Variants in PANK4 observed in about 807,000 individuals in gnomAD.
PANK4 encodes the protein pantothenate kinase 4 (inactive), also known as 4'-phosphopantetheine phosphatase.
PANK4 carries 40 observed loss-of-function variants against 87.9 expected under a neutral mutation model. The observed-to-expected ratio is 0.46, with a 90% confidence interval of 0.35 to 0.59. The LOEUF (loss-of-function observed/expected upper bound fraction) is 0.59, where lower values mean the gene tolerates loss of function less well. Ranked by LOEUF, PANK4 falls within the 20% of genes least tolerant of loss-of-function variation. PANK4 has a pLI of 0.00. For missense variants in PANK4, 926 were observed against 1,072.3 expected (o/e 0.86, Z 1.90); for synonymous variants, 524 against 467.4 (o/e 1.12, Z -1.56).
intron 13 of PANK4, chr1:2,512,529 C>T: frequency 4.0e-6 from 1 of 251,308 alleles, no homozygotes; most frequent in Non-Finnish European, 7.7e-6. Context: ...TGCAAAGCAC[C>T]CTTTGATCAT....
intron 1 of PANK4, among the ~76,000 whole-genome samples, chr1:2,522,414 G>T (rs1485030159): frequency 6.6e-6 from 1 of 152,186 alleles, no homozygotes; most frequent in Non-Finnish European, 1.5e-5. Context: ...ACAGGCCAAA[G>T]TCTCTCTGAT....
At chr1:2,521,564 C>A in intron 2 of PANK4, 154 bp downstream of exon 2, 1 of 763,446 alleles carries the variant, frequency 1.3e-6, no homozygotes, top group Non-Finnish European at 2.3e-6. Flanking sequence ...TGAAGGGACA[C>A]GGCGGAAGGC....
chr1:2,515,839 C>G lies in PANK4; in HGVS notation c.1219-122G>C, dbSNP rs1217767330. 2.9e-6 allele frequency: 3 copies of G among 1,020,756 alleles called. No homozygotes were observed. The highest frequency in any genetic ancestry group is 1.6e-5 in the African/African-American group (1 of 62,518). 63.2% of individuals were successfully genotyped at this position (1,020,756 alleles called of 1,614,324 possible). Reference sequence around the variant, plus strand: ...TGTACTGCCTTCTTCCGCCACGTCTCTGGGCCACAGACGAGACCCCCACTG... The same window carrying G: ...TGTACTGCCTTCTTCCGCCACGTCTGTGGGCCACAGACGAGACCCCCACTG... On this transcript the variant is annotated intron_variant, in intron 9 of 18. Transcript: ENST00000378466. The surrounding 1 kb of genome is among the most constrained non-coding windows in gnomAD (Gnocchi z 5.0).
In PANK4 at chr1:2,523,369, G is replaced by A. The variant is rs377185172; in HGVS notation, c.125-1569C>T. 7.9e-5 allele frequency among the ~76,000 whole-genome samples: 12 copies of A among 152,276 alleles called. 1 individual carries two copies. In the South Asian group the frequency reaches 1.5e-3, roughly 18 times the overall value. The stretch of plus-strand genomic sequence containing the variant: ...CTCCCCTGCCCCCAGTGCTGGCCGG[G>A]CCCGGAGAGTCTCACTAACATGCAC... On this transcript the variant is annotated intron_variant, in intron 1 of 18. Transcript: ENST00000378466.
At chr1:2,521,845 A>C in intron 1 of PANK4, 45 bp from the exon 2 acceptor site, 10 of 1,472,960 alleles carry the variant, frequency 6.8e-6, no homozygotes, top group Non-Finnish European at 9.5e-6. Context: ...ACCAGGACAC[A>C]GCGGGGCCTG....
intron 1 of PANK4, among the ~76,000 whole-genome samples, chr1:2,522,683 A>G (rs887323511): frequency 6.6e-6 from 1 of 152,268 alleles, no homozygotes; most frequent in Non-Finnish European, 1.5e-5. Context: ...CTTTGAGTGC[A>G]TTGCGCGGTG....
At chr1:2,526,183 A>G (rs1312706833) in intron 1 of PANK4, 1 of 152,288 alleles carries the variant, frequency 6.6e-6, no homozygotes, top group African/African-American at 2.4e-5. Context: ...GCCACCCAGG[A>G]CGGCCGCGCG....
At chr1:2,516,460 GCT>G (rs1043687272) in intron 9 of PANK4, among the ~76,000 whole-genome samples, 10 of 152,180 alleles carry the variant, frequency 6.6e-5, no homozygotes, top group Non-Finnish European at 1.5e-4. Context: ...TCAGTACTCG[GCT>G]CTCTGCACGC....
Position 2,509,082 on chromosome 1 carries a change from T to C in PANK4, c.2109-22A>G. ...GCGGCTTTGGGGAGGAAGAGGACGG[T>C]GAGACTGGGCAAGCAGACCCCAGAC... On this transcript the variant is annotated intron_variant, in intron 18 of 18. Transcript: ENST00000378466. This position sits in a 1 kb window ranked among gnomAD's most constrained non-coding sequence, Gnocchi z 4.9. 6.4e-7 allele frequency: 1 copy of C among 1,572,208 alleles called. No homozygotes were observed.
chr1:2,524,566 C>T (rs890410135), intron 1 of PANK4, among the ~76,000 whole-genome samples: 1 of 152,088 alleles, frequency 6.6e-6, no homozygotes, highest in African/African-American at 2.4e-5. Context: ...ACCAAGAAAC[C>T]CCCTGGGCTC....
rs984697057 is a variant in PANK4, at chr1:2,510,028, C to A, written c.2039+29G>T. 1 of 1,556,664 alleles carries A rather than the reference C, an allele frequency of 6.4e-7. No individual in the cohort carries two copies. Among genetic ancestry groups the A allele is most frequent in the Admixed American group, 1.7e-5 (1 of 57,536 alleles). ...CAGCTGGTGCCCCTCCCCATCAAGGCCCCCCCAGCACTGCCCGCCAACACT... is the reference window on the plus strand; with the variant it reads ...CAGCTGGTGCCCCTCCCCATCAAGGACCCCCCAGCACTGCCCGCCAACACT... On this transcript the variant is annotated intron_variant, in intron 17 of 18. Coordinates refer to ENST00000378466, the MANE Select transcript of PANK4 (RefSeq NM_018216.4). This position sits in a 1 kb window ranked among gnomAD's most constrained non-coding sequence, Gnocchi z 4.9.
intron 1 of PANK4, among the ~76,000 whole-genome samples, chr1:2,523,904 G>C (rs1643898858): frequency 6.6e-6 from 1 of 152,250 alleles, no homozygotes; most frequent in South Asian, 2.1e-4. Context: ...GCCAACAGCT[G>C]GTGGGGGAAG....
intron 12 of PANK4, 45 bp downstream of exon 12, chr1:2,513,957 G>A (rs1643711297): frequency 7.3e-7 from 1 of 1,376,656 alleles, no homozygotes; most frequent in Non-Finnish European, 1.0e-6. Context: ...GTGCCAGCGG[G>A]ACGGGGACAA....
Position 2,515,960 on chromosome 1 carries a change from C to A in PANK4, c.1219-243G>T. The stretch of plus-strand genomic sequence containing the variant: ...GTCTGCTCCCACCACACGCCTCCTG[C>A]CCCCAGCACCTCCCCGCTGCAGCCA... On this transcript the variant is annotated intron_variant, in intron 9 of 18. Coordinates refer to ENST00000378466, the MANE Select transcript of PANK4 (RefSeq NM_018216.4). The surrounding 1 kb of genome is among the most constrained non-coding windows in gnomAD (Gnocchi z 5.0). The A allele has an allele frequency of 1.8e-6, 1 of 570,586 alleles. No individual in the cohort carries two copies. The highest frequency in any genetic ancestry group is 2.0e-5 in the South Asian group (1 of 48,854). The allele number at this position is 570,586 out of a possible 1,614,324, so 35.3% of individuals were successfully genotyped here.
rs2100792853 is a variant in PANK4, at chr1:2,521,314, T to C, written c.209A>G (p.Asp70Gly). ...GGGCGGCTCATGTTCACGTTCTGTG[T>C]CCTGGAAAACAGAGTAGGGGAGGCC... ...KVRSFDHSGK[D>G]TEREHEPPYE... is the part of the protein sequence containing the mutation. The change falls in exon 3 of 19, where the codon GAC becomes GGC. Residue 70 changes from aspartate (D) to glycine (G), a missense_variant and splice_region_variant. Transcript: ENST00000378466. 1 of 1,613,002 alleles carries C rather than the reference T, an allele frequency of 6.2e-7. No individual in the cohort carries two copies. The highest frequency in any genetic ancestry group is 1.1e-5 in the South Asian group (1 of 91,064).
chr1:2,509,994 C>T lies in PANK4; in HGVS notation c.2039+63G>A. ...CAGTTCAGTGACAATCCCCATGGCC[C>T]ACTCTGCCCAGCTGGTGCCCCTCCC... is the stretch of plus-strand genomic sequence containing the variant. On this transcript the variant is annotated intron_variant, in intron 17 of 18. Transcript: ENST00000378466. The surrounding 1 kb of genome is among the most constrained non-coding windows in gnomAD (Gnocchi z 4.9). 1 of 1,577,852 alleles carries T rather than the reference C, an allele frequency of 6.3e-7. No homozygotes were observed. The highest frequency in any genetic ancestry group is 8.7e-7 in the Non-Finnish European group (1 of 1,155,434).
rs748649823 is a variant in PANK4 at position 2,509,816 on chromosome 1, GCA to G, written c.2108+44_2108+45del. ...TGGGTGCAGGTGCACGGCACAGAGG[GCA>G]CAGAGCCCAGGAGGGAGAGAACAGG... On this transcript the variant is annotated intron_variant, in intron 18 of 18. Transcript: ENST00000378466. The surrounding 1 kb of genome is among the most constrained non-coding windows in gnomAD (Gnocchi z 4.9). The G allele has an allele frequency of 6.5e-7, 1 of 1,549,200 alleles. No homozygotes were observed. The highest frequency in any genetic ancestry group is 8.9e-7 in the Non-Finnish European group (1 of 1,126,178).
Position 2,510,576 on chromosome 1 carries a change from C to T in PANK4, c.1938+102G>A. On this transcript the variant is annotated intron_variant, in intron 16 of 18. Transcript: ENST00000378466. The surrounding 1 kb of genome is among the most constrained non-coding windows in gnomAD (Gnocchi z 4.9). ...TGCTGCCTGCACCTACCTGCTGCGTCCGGAGGAGCCCCGACCACCGCCAGA... is the reference window on the plus strand; with the variant it reads ...TGCTGCCTGCACCTACCTGCTGCGTTCGGAGGAGCCCCGACCACCGCCAGA... 1 of 734,892 alleles carries T rather than the reference C, an allele frequency of 1.4e-6. No homozygotes were observed. Among genetic ancestry groups the T allele is most frequent in the Non-Finnish European group, 2.4e-6 (1 of 416,160 alleles). The allele number at this position is 734,892 out of a possible 1,614,324, so 45.5% of individuals were successfully genotyped here. A position where few individuals can be genotyped will look rare whatever the true frequency, so the allele number is the denominator to read the frequency against.
rs1643873170 is a variant in PANK4 at position 2,521,308 on chromosome 1, T to C, written c.215A>G (p.Glu72Gly). 2.5e-6 allele frequency: 4 copies of C among 1,613,452 alleles called. No individual in the cohort carries two copies. Among genetic ancestry groups the C allele is most frequent in the Non-Finnish European group, 3.4e-6 (4 of 1,179,612 alleles). ...RSFDHSGKDT[E>G]REHEPPYEIS... ...CTCATAGGGCGGCTCATGTTCACGTTCTGTGTCCTGGAAAACAGAGTAGGG... is the reference window on the plus strand; with the variant it reads ...CTCATAGGGCGGCTCATGTTCACGTCCTGTGTCCTGGAAAACAGAGTAGGG... Residue 72 changes from glutamate (E) to glycine (G), a missense_variant, in exon 3 of 19, where the codon GAA becomes GGA. Transcript: ENST00000378466.
Sources: allele counts gnomAD v4.1 joint callset (sites outside exome capture counted in the v4.1 genomes callset), GRCh38; gene constraint gnomAD v4.1.1; non-coding constraint Gnocchi (gnomAD v3.1); transcripts MANE v1.5; gene names NCBI Gene and HGNC (gene_info 2026-07-23, HGNC 2026-07-21).